The following LAMA4 variants were observed in gnomAD, a reference collection of about 807,000 sequenced individuals.
The protein encoded by LAMA4 is laminin subunit alpha 4.
LAMA4 carries 127 observed loss-of-function variants against 207.1 expected under a neutral mutation model. The ratio of observed to expected loss-of-function variants is 0.61; its 90% confidence interval spans 0.53 to 0.71. LAMA4 has a LOEUF of 0.71. Ranked by LOEUF, LAMA4 falls within the 30% of genes least tolerant of loss-of-function variation. The probability of loss-of-function intolerance (pLI) is 0.00; values close to 1 mark genes in which losing one functional copy is unlikely to be tolerated. For synonymous variants in LAMA4, 761 were observed against 816.0 expected (o/e 0.93, Z 1.15); for missense variants, 2,093 against 2,246.5 (o/e 0.93, Z 1.38).
At chr6:112,156,373 A>G (rs1171578315) in intron 14 of LAMA4, among the ~76,000 whole-genome samples, 2 of 152,220 alleles carry the variant, frequency 1.3e-5, no homozygotes, top group Admixed American at 6.5e-5. Context: ...GTGAGATATA[A>G]CAGGAATAAA....
At chr6:112,159,873 C>T (rs1446527558) in intron 13 of LAMA4, among the ~76,000 whole-genome samples, 6 of 152,146 alleles carry the variant, frequency 3.9e-5, no homozygotes, top group Non-Finnish European at 8.8e-5. Flanking sequence ...CTCAACTCCA[C>T]CCTTCTTTGT....
At chr6:112,113,998 A>T in intron 38 of LAMA4, 78 bp downstream of exon 38, 1 of 1,544,852 alleles carries the variant, frequency 6.5e-7, no homozygotes, top group Non-Finnish European at 9.0e-7. Flanking sequence ...ATAAAAACAC[A>T]TGGCTCAATT....
At chr6:112,216,223 T>C (rs1784617551) in intron 3 of LAMA4, 145 bp downstream of exon 3, 1 of 705,230 alleles carries the variant, frequency 1.4e-6, no homozygotes, top group African/African-American at 1.8e-5. Context: ...ATGAGTTGTT[T>C]CACAGGAAAA....
At chr6:112,244,130 G>A (rs1418143078) in intron 2 of LAMA4, among the ~76,000 whole-genome samples, 3 of 152,164 alleles carry the variant, frequency 2.0e-5, no homozygotes, top group Non-Finnish European at 2.9e-5. Flanking sequence ...AAGGCAAAAA[G>A]TGAGAACCAG....
Position 112,254,103 on chromosome 6 carries a change from G to C in LAMA4, c.48C>G (p.Leu16=). Residue 16 remains leucine (L), a synonymous_variant, in exon 2 of 39, where the codon CTC becomes CTG. Coordinates refer to ENST00000230538, the MANE Select transcript of LAMA4 (RefSeq NM_001105206.3). The part of the protein sequence containing the change: ...AWRSVLPLWL[L]WSAACSRAAS... ...CGGCGCGGGAGCAGGCAGCGCTCCA[G>C]AGGAGCCACAGAGGCAGAACCGAGC... is the stretch of plus-strand genomic sequence containing the variant. The C allele has an allele frequency of 3.1e-6, 5 of 1,612,794 alleles. No individual in the cohort carries two copies. The highest frequency in any genetic ancestry group is 1.7e-5 in the Admixed American group (1 of 60,002).
chr6:112,188,230 A>C (rs1255530038), intron 7 of LAMA4, among the ~76,000 whole-genome samples: 2 of 152,186 alleles, frequency 1.3e-5, no homozygotes, highest in Non-Finnish European at 2.9e-5. Flanking sequence ...TGGCGTGTTA[A>C]TGGTTGTTAA....
chr6:112,199,964 C>G (rs1554351656), intron 5 of LAMA4, among the ~76,000 whole-genome samples: 1 of 152,182 alleles, frequency 6.6e-6, no homozygotes, highest in Non-Finnish European at 1.5e-5. Context: ...TTCCCTGTCT[C>G]TAGGGCACTA....
intron 12 of LAMA4, 79 bp downstream of exon 12, chr6:112,172,532 A>C: frequency 7.2e-7 from 1 of 1,393,016 alleles, no homozygotes; most frequent in Non-Finnish European, 1.0e-6. Flanking sequence ...TTTTAAAAAA[A>C]TTTATATCAA....
intron 2 of LAMA4, chr6:112,253,710 C>T: frequency 3.1e-6 from 5 of 1,598,714 alleles, no homozygotes. Flanking sequence ...ACTCAGAGCA[C>T]CAACACATGC....
intron 4 of LAMA4, among the ~76,000 whole-genome samples, chr6:112,203,637 CT>C (rs1783887182): frequency 1.3e-5 from 2 of 151,990 alleles, no homozygotes; most frequent in South Asian, 4.1e-4. Context: ...CCCTCCTCTC[CT>C]TTTTTGCAGC....
chr6:112,134,876 G>C (rs1779242626), intron 25 of LAMA4, among the ~76,000 whole-genome samples: 1 of 151,702 alleles, frequency 6.6e-6, no homozygotes, highest in Non-Finnish European at 1.5e-5. Flanking sequence ...TAGACCTATT[G>C]TTTCCTCCTG....
intron 8 of LAMA4, 68 bp downstream of exon 8, chr6:112,187,382 G>T: frequency 3.8e-6 from 6 of 1,573,304 alleles, no homozygotes; most frequent in Non-Finnish European, 4.4e-6. Flanking sequence ...GGGGTAGAAG[G>T]AATTACTAGC....
intron 35 of LAMA4, among the ~76,000 whole-genome samples, chr6:112,116,667 A>C (rs888466376): frequency 6.6e-6 from 1 of 152,120 alleles, no homozygotes; most frequent in Non-Finnish European, 1.5e-5. Context: ...AGTTGTGTTT[A>C]CTCCAAGAGA....
chr6:112,227,001 G>A (rs1785250676), intron 2 of LAMA4, among the ~76,000 whole-genome samples: 1 of 152,024 alleles, frequency 6.6e-6, no homozygotes, highest in South Asian at 2.1e-4. Flanking sequence ...GGGTAAAGGA[G>A]TGGGGATGAG....
intron 2 of LAMA4, among the ~76,000 whole-genome samples, chr6:112,230,708 T>C (rs1182424493): frequency 6.6e-6 from 1 of 152,210 alleles, no homozygotes; most frequent in Admixed American, 6.5e-5. Context: ...AGTAGTTCCT[T>C]GTCTTTCTTC....
intron 2 of LAMA4, among the ~76,000 whole-genome samples, chr6:112,245,238 G>A (rs1362005448): frequency 6.6e-6 from 1 of 152,218 alleles, no homozygotes; most frequent in Non-Finnish European, 1.5e-5. Context: ...TACCTCTGCT[G>A]TGGAAGAAGA....
chr6:112,253,957 T>TCGGC lies in LAMA4; in HGVS notation c.190_193dup (p.Glu65GlyfsTer22). ...GTGGCAATGGCAGGGACACTGTACC[T>TCGGC]CGGCCGCAGGCGGCAGGCGTCCCAG... On this transcript the variant is annotated frameshift_variant and splice_region_variant, in exon 2 of 39. Transcript: ENST00000230538. LOFTEE classifies it high-confidence loss of function. 6.3e-7 allele frequency: 1 copy of TCGGC among 1,597,230 alleles called. No individual in the cohort carries two copies. The highest frequency in any genetic ancestry group is 8.5e-7 in the Non-Finnish European group (1 of 1,171,292).
chr6:112,235,115 AACT>A (rs1480607708), intron 2 of LAMA4, among the ~76,000 whole-genome samples: 2 of 152,136 alleles, frequency 1.3e-5, no homozygotes, highest in African/African-American at 4.8e-5. Flanking sequence ...GCAGGGTTAG[AACT>A]GTCCTGCCTC....
In LAMA4 at chr6:112,253,984, G is replaced by A. The variant is rs372763422; in HGVS notation, c.167C>T (p.Ala56Val). ...GGCCGCAGGCGGCAGGCGTCCCAGA[G>A]CCACGCGGGGTTCGCTCGTCTCAGG... ...DPPETSEPRVALGRLPPAAEK... is the reference protein window; with the variant it reads ...DPPETSEPRVVLGRLPPAAEK... The change falls in exon 2 of 39, where the codon GCT (alanine) becomes GTT (valine). Residue 56 changes from alanine (A) to valine (V), a missense_variant. By Grantham distance (64) the Ala-to-Val change is moderately conservative. This residue lies in a region of LAMA4 where 1,704 missense variants were observed against 1,788.4 expected (regional missense o/e 0.95). Coordinates refer to ENST00000230538, the MANE Select transcript of LAMA4 (RefSeq NM_001105206.3). 55 of 1,586,456 alleles carry A rather than the reference G, an allele frequency of 3.5e-5. No homozygotes were observed. The highest frequency in any genetic ancestry group is 2.8e-4 in the East Asian group (12 of 43,298).
Sources: gnomAD v4.1 joint callset for allele counts (sites outside exome capture counted in the v4.1 genomes callset) on GRCh38, gnomAD v4.1.1 for gene constraint, gnomAD v4.1.1 regional missense constraint, MANE v1.5 for transcripts, NCBI Gene and HGNC (gene_info 2026-07-23, HGNC 2026-07-21) for gene names.